APOBEC3G: variants seen among roughly 807,000 people sequenced by gnomAD.
APOBEC3G encodes apolipoprotein B mRNA editing enzyme catalytic subunit 3G.
Under a neutral mutation model 50.0 loss-of-function variants are expected in APOBEC3G, and 44 were observed. The observed-to-expected ratio is 0.88, with a 90% CI of 0.69 to 1.13. APOBEC3G has a LOEUF of 1.13. Among genes scored for constraint, APOBEC3G ranks in the 50% most tolerant of loss-of-function variants. The probability of loss-of-function intolerance (pLI) is 0.00; values close to 1 mark genes in which losing one functional copy is unlikely to be tolerated. For synonymous variants in APOBEC3G, 156 were observed against 175.3 expected, an observed-to-expected ratio of 0.89 and a Z score of 0.87; for missense variants, 469 against 492.0, an observed-to-expected ratio of 0.95 and a Z score of 0.44.
In APOBEC3G at chr22:39,087,608, A is replaced by C; in HGVS notation, c.*187A>C. ...TTAGAGTGCATTACTTTGAATCAAA[A>C]ATTTATTTATATTTCAAGAATAAAG... On this transcript the variant is annotated 3_prime_UTR_variant, in exon 8 of 8. Coordinates refer to ENST00000407997, the MANE Select transcript of APOBEC3G (RefSeq NM_021822.4). 8.6e-7 allele frequency: 1 copy of C among 1,163,158 alleles called. No homozygotes were observed. Among genetic ancestry groups the C allele is most frequent in the African/African-American group, 1.6e-5 (1 of 63,880 alleles). 72.1% of individuals were successfully genotyped at this position (1,163,158 alleles called of 1,614,324 possible).
chr22:39,082,586 T>G (rs1928517302), intron 4 of APOBEC3G: 1 of 152,348 alleles, frequency 6.6e-6, no homozygotes, highest in Non-Finnish European at 1.5e-5. Flanking sequence ...ACTGCGCCGC[T>G]GCACTCCAGC....
chr22:39,079,043 T>C lies in APOBEC3G; in HGVS notation c.129T>C (p.Gly43=), dbSNP rs754587044. The C allele has an allele frequency of 6.2e-7, 1 of 1,614,120 alleles. No individual in the cohort carries two copies. Among genetic ancestry groups the C allele is most frequent in the Non-Finnish European group, 8.5e-7 (1 of 1,180,008 alleles). The change falls in exon 2 of 8, where the codon GGT becomes GGC. Residue 43 remains glycine (G), a synonymous_variant. Coordinates refer to ENST00000407997, the MANE Select transcript of APOBEC3G (RefSeq NM_021822.4). ...VWLCYEVKTK[G]PSRPPLDAKI... ...TGTGCTACGAAGTGAAAACAAAGGG[T>C]CCCTCAAGGCCCCCTTTGGACGCAA... is the stretch of plus-strand genomic sequence containing the variant.
At chr22:39,078,663 C>T in intron 1 of APOBEC3G, 1 of 425,436 alleles carries the variant, frequency 2.4e-6, no homozygotes, top group South Asian at 3.7e-5. Flanking sequence ...AGGAACTGAG[C>T]TGAAAGGTTA....
chr22:39,079,217 G>A (rs1167963696), intron 2 of APOBEC3G, 132 bp downstream of exon 2: 8 of 1,316,938 alleles, frequency 6.1e-6, no homozygotes, highest in Admixed American at 2.8e-5. Context: ...TTCCAAGTCC[G>A]TGGCCCTGAC....
At chr22:39,079,494 T>C (rs1409090614) in intron 2 of APOBEC3G, 7 of 170,546 alleles carry the variant, frequency 4.1e-5, no homozygotes, top group Non-Finnish European at 1.3e-5. Flanking sequence ...ATTTTTTTTT[T>C]GTATTTTTAG....
At chr22:39,085,161 A>G (rs1292440983) in intron 5 of APOBEC3G, among the ~76,000 whole-genome samples, 1 of 152,130 alleles carries the variant, frequency 6.6e-6, no homozygotes, top group Non-Finnish European at 1.5e-5. Context: ...TGGACAAAAC[A>G]CCATCATTCC....
chr22:39,079,055 C>G lies in APOBEC3G; in HGVS notation c.141C>G (p.Pro47=), dbSNP rs35941380. ...TGAAAACAAAGGGTCCCTCAAGGCC[C>G]CCTTTGGACGCAAAGATCTTTCGAG... The part of the protein sequence containing the change: ...YEVKTKGPSR[P]PLDAKIFRGQ... Residue 47 remains proline (P), a synonymous_variant, in exon 2 of 8, where the codon CCC becomes CCG. Transcript: ENST00000407997. 8.7e-6 allele frequency: 14 copies of G among 1,614,172 alleles called. No homozygotes were observed. The highest frequency in any genetic ancestry group is 1.1e-5 in the Non-Finnish European group (13 of 1,180,014).
At chr22:39,080,720 G>C (rs1226345126) in intron 2 of APOBEC3G, 3 of 566,656 alleles carry the variant, frequency 5.3e-6, no homozygotes, top group Non-Finnish European at 9.4e-6. Flanking sequence ...GCTGCTTGTA[G>C]GTGCCACCTC....
chr22:39,077,586 C>G (rs188445608), intron 1 of APOBEC3G, among the ~76,000 whole-genome samples: 9 of 152,222 alleles, frequency 5.9e-5, no homozygotes, highest in African/African-American at 1.4e-4. Flanking sequence ...CCGCCTCCCC[C>G]ATCTGTCCCA....
chr22:39,081,288 T>A, intron 3 of APOBEC3G, 61 bp downstream of exon 3: 1 of 1,583,326 alleles, frequency 6.3e-7, no homozygotes, highest in Non-Finnish European at 8.6e-7. Flanking sequence ...GATGGGTCCT[T>A]CCCACACATA....
chr22:39,081,088 C>T lies in APOBEC3G; in HGVS notation c.327C>T (p.Ala109=), dbSNP rs375760983. Residue 109 remains alanine, a synonymous_variant, in exon 3 of 8, where the codon GCC becomes GCT. Coordinates refer to ENST00000407997, the MANE Select transcript of APOBEC3G (RefSeq NM_021822.4). ...CAAGGGATATGGCCACGTTCCTGGC[C>T]GAGGACCCGAAGGTTACCCTGACCA... is the stretch of plus-strand genomic sequence containing the variant. ...KCTRDMATFL[A]EDPKVTLTIF... The T allele has an allele frequency of 2.0e-5, 33 of 1,614,214 alleles. No homozygotes were observed. Among genetic ancestry groups the T allele is most frequent in the South Asian group, 2.2e-5 (2 of 91,084 alleles).
At chr22:39,081,617 C>T (rs768106581) in intron 4 of APOBEC3G, 32 bp downstream of exon 4, 28 of 1,525,536 alleles carry the variant, frequency 1.8e-5, no homozygotes, top group Non-Finnish European at 2.5e-5. Flanking sequence ...CATCGCCTCG[C>T]TCCTCTCACC....
rs928244021 is a variant in APOBEC3G at position 39,087,500 on chromosome 22, A to G, written c.*79A>G. On this transcript the variant is annotated 3_prime_UTR_variant, in exon 8 of 8. Coordinates refer to ENST00000407997, the MANE Select transcript of APOBEC3G (RefSeq NM_021822.4). ...AAAAGATCTTCTTCCAAGAAATGCA[A>G]ACAGGCTGTTCACCACCATCTCCAG... 5 of 1,612,304 alleles carry G rather than the reference A, an allele frequency of 3.1e-6. No individual in the cohort carries two copies. Among genetic ancestry groups the G allele is most frequent in the Non-Finnish European group, 4.2e-6 (5 of 1,178,530 alleles).
rs1476891384 is a variant in APOBEC3G, at chr22:39,080,290, C to A, written c.172-643C>A. ...GAGAATGGATGCTAGAATTCACACACGAGGCCATGAACAGGGCTGGGAAAA... is the reference window on the plus strand; with the variant it reads ...GAGAATGGATGCTAGAATTCACACAAGAGGCCATGAACAGGGCTGGGAAAA... On this transcript the variant is annotated intron_variant, in intron 2 of 7. Transcript: ENST00000407997. 3 of 606,068 alleles carry A rather than the reference C, an allele frequency of 4.9e-6. No individual in the cohort carries two copies. The African/African-American group carries it at 6.0e-5, about 12-fold the overall frequency. 37.5% of individuals were successfully genotyped at this position (606,068 alleles called of 1,614,324 possible). A position where few individuals can be genotyped will look rare whatever the true frequency, so the allele number is the denominator to read the frequency against.
chr22:39,083,085 C>T (rs1306528630), intron 4 of APOBEC3G: 1 of 152,274 alleles, frequency 6.6e-6, no homozygotes, highest in Non-Finnish European at 1.5e-5. Context: ...AAGGTGGCAT[C>T]CTCCCCTCTG....
chr22:39,087,534 A>C lies in APOBEC3G; in HGVS notation c.*113A>C. On this transcript the variant is annotated 3_prime_UTR_variant, in exon 8 of 8. Transcript: ENST00000407997. ...TTCACCACCATCTCCAGCTGATCAC[A>C]GACACCAGCAAAGCAATGCACTCCT... The C allele has an allele frequency of 6.3e-7, 1 of 1,596,292 alleles. No homozygotes were observed. The highest frequency in any genetic ancestry group is 1.1e-5 in the South Asian group (1 of 90,566).
chr22:39,086,921 T>A, intron 6 of APOBEC3G, 90 bp from the exon 7 acceptor site: 1 of 1,453,918 alleles, frequency 6.9e-7, no homozygotes, highest in East Asian at 2.4e-5. Flanking sequence ...GAAACCAGGA[T>A]GTGGGAAGTC....
At position 39,086,317 on chromosome 22, in the gene APOBEC3G, A is replaced by C; in HGVS notation, c.774A>C (p.Ala258=). 2 of 1,609,674 alleles carry C rather than the reference A, an allele frequency of 1.2e-6. No individual in the cohort carries two copies. The highest frequency in any genetic ancestry group is 1.7e-6 in the Non-Finnish European group (2 of 1,176,730). Reference sequence around the variant, plus strand: ...ACGGTTTCCTTGAAGGCCGCCATGCAGAGCTGTGCTTCCTGGACGTGATTC... The same window carrying C: ...ACGGTTTCCTTGAAGGCCGCCATGCCGAGCTGTGCTTCCTGGACGTGATTC... The part of the protein sequence containing the change: ...HKHGFLEGRH[A]ELCFLDVIPF... The change falls in exon 6 of 8, where the codon GCA becomes GCC. Residue 258 remains alanine (A), a synonymous_variant. Coordinates refer to ENST00000407997, the MANE Select transcript of APOBEC3G (RefSeq NM_021822.4).
intron 6 of APOBEC3G, 125 bp downstream of exon 6, chr22:39,086,692 C>T (rs963671655): frequency 1.3e-5 from 17 of 1,327,808 alleles, no homozygotes; most frequent in African/African-American, 3.0e-5. Context: ...CCTGCAGAGG[C>T]GATGGCTGCA....
Sources: allele counts gnomAD v4.1 joint callset (sites outside exome capture counted in the v4.1 genomes callset), GRCh38; gene constraint gnomAD v4.1.1; transcripts MANE v1.5; gene names NCBI Gene and HGNC (gene_info 2026-07-23, HGNC 2026-07-21).